KIF6: variants seen among roughly 807,000 people sequenced by gnomAD.
KIF6 encodes the protein kinesin-like protein KIF6.
KIF6 carries 106 observed loss-of-function variants against 112.7 expected under a neutral mutation model. The observed-to-expected ratio is 0.94, with a 90% CI of 0.80 to 1.11. The LOEUF (loss-of-function observed/expected upper bound fraction) is 1.11, where lower values mean the gene tolerates loss of function less well. KIF6 is among the 50% of genes least tolerant of loss of function. The pLI, the probability that KIF6 is intolerant of heterozygous loss-of-function variation, is 0.00. For synonymous variants in KIF6, 339 were observed against 339.9 expected (o/e 1.00, Z 0.03); for missense variants, 929 against 964.0 (o/e 0.96, Z 0.48).
intron 3 of KIF6, among the ~76,000 whole-genome samples, chr6:39,666,449 G>A (rs1038179476): frequency 6.6e-6 from 1 of 152,132 alleles, no homozygotes; most frequent in Non-Finnish European, 1.5e-5. Flanking sequence ...AAAAAATAGT[G>A]GGGACAGCTT....
chr6:39,403,185 T>A (rs1768831691), intron 15 of KIF6, among the ~76,000 whole-genome samples: 1 of 152,178 alleles, frequency 6.6e-6, no homozygotes, highest in Non-Finnish European at 1.5e-5. Context: ...ATTTTTTATT[T>A]ATTATTAAAT....
intron 21 of KIF6, among the ~76,000 whole-genome samples, chr6:39,344,656 C>A (rs933332375): frequency 6.6e-6 from 1 of 152,140 alleles, no homozygotes; most frequent in Non-Finnish European, 1.5e-5. Context: ...CTTGTCCTCC[C>A]ATCCCTGATT....
At position 39,342,629 on chromosome 6, in the gene KIF6, TTA is replaced by T. The variant is rs1386953393; in HGVS notation, c.2428+1078_2428+1079del. On this transcript the variant is annotated intron_variant, in intron 22 of 22. Transcript: ENST00000287152. The surrounding 1 kb of genome is among the most constrained non-coding windows in gnomAD (Gnocchi z 4.7). ...TTTTTTTATTTTTTTTTATTTTTTT[TTA>T]TTTTTAGACAAGGAAACTGAGAATG... is the stretch of plus-strand genomic sequence containing the variant. Among the ~76,000 whole-genome samples the T allele has an allele frequency of 0.042, 4,702 of 112,590 alleles. 453 individuals carry two copies. The highest frequency in any genetic ancestry group is 0.056 in the Middle Eastern group (12 of 216). 73.9% of individuals were successfully genotyped at this position (112,590 alleles called of 152,430 possible). A position where few individuals can be genotyped will look rare whatever the true frequency, so the allele number is the denominator to read the frequency against.
At chr6:39,460,369 T>TG (rs1378155090) in intron 13 of KIF6, among the ~76,000 whole-genome samples, 1 of 76,688 alleles carries the variant, frequency 1.3e-5, no homozygotes, top group African/African-American at 6.1e-5. Flanking sequence ...CTCCGGGGAC[T>TG]GTGGTGGGGT....
intron 3 of KIF6, among the ~76,000 whole-genome samples, chr6:39,711,781 TA>T (rs1442652439): frequency 1.3e-5 from 2 of 152,050 alleles, no homozygotes; most frequent in Non-Finnish European, 2.9e-5. Context: ...TAAACGTTAA[TA>T]AAAATTAATA....
chr6:39,474,490 T>C (rs190343424), intron 13 of KIF6, among the ~76,000 whole-genome samples: 5 of 152,374 alleles, frequency 3.3e-5, no homozygotes, highest in Admixed American at 2.0e-4. Flanking sequence ...ATAGTAAGTG[T>C]TCAATAAATC....
intron 13 of KIF6, among the ~76,000 whole-genome samples, chr6:39,527,729 C>T (rs1163096849): frequency 5.3e-5 from 8 of 152,324 alleles, no homozygotes; most frequent in South Asian, 4.2e-4. Context: ...TTCCTGCACA[C>T]CTCCAAAGCT....
rs11751980 is a variant in KIF6, at chr6:39,545,705, T to C, written c.1182-17A>G. 43,863 of 1,507,664 alleles carry C rather than the reference T, an allele frequency of 0.029. 746 individuals carry two copies. Among genetic ancestry groups the C allele is most frequent in the Non-Finnish European group, 0.034 (36,531 of 1,084,308 alleles). The allele number at this position is 1,507,664 out of a possible 1,614,324, so 93.4% of individuals were successfully genotyped here. A position where few individuals can be genotyped will look rare whatever the true frequency, so the allele number is the denominator to read the frequency against. Reference sequence around the variant, plus strand: ...TTTTCCAGCCTAAAAATACATAATGTATGAGAAGCAACTGTGAGCTAGAAG... The same window carrying C: ...TTTTCCAGCCTAAAAATACATAATGCATGAGAAGCAACTGTGAGCTAGAAG... On this transcript the variant is annotated splice_polypyrimidine_tract_variant and intron_variant, in intron 10 of 22. Coordinates refer to ENST00000287152, the MANE Select transcript of KIF6 (RefSeq NM_145027.6).
At chr6:39,720,477 G>C (rs1247396571) in intron 2 of KIF6, among the ~76,000 whole-genome samples, 1 of 152,000 alleles carries the variant, frequency 6.6e-6, no homozygotes, top group Non-Finnish European at 1.5e-5. Flanking sequence ...GTAAAGAAAG[G>C]CTGGAATCTT....
chr6:39,632,166 A>T (rs1355736231), intron 5 of KIF6, among the ~76,000 whole-genome samples: 1 of 136,392 alleles, frequency 7.3e-6, no homozygotes, highest in Admixed American at 7.4e-5. Flanking sequence ...CAAGTGGTAC[A>T]TCTTATAATG....
chr6:39,467,069 T>C (rs1237387089), intron 13 of KIF6, among the ~76,000 whole-genome samples: 1 of 152,212 alleles, frequency 6.6e-6, no homozygotes, highest in Non-Finnish European at 1.5e-5. Context: ...CAGAGAGCTT[T>C]ATAGCTTTCC....
intron 15 of KIF6, among the ~76,000 whole-genome samples, chr6:39,414,185 T>G (rs1340667698): frequency 6.6e-6 from 1 of 152,216 alleles, no homozygotes; most frequent in Non-Finnish European, 1.5e-5. Flanking sequence ...CCCCGATGAC[T>G]CCTCTGCCTG....
intron 15 of KIF6, among the ~76,000 whole-genome samples, chr6:39,390,080 C>T (rs926051930): frequency 3.4e-5 from 5 of 146,668 alleles, no homozygotes; most frequent in African/African-American, 7.7e-5. Flanking sequence ...TGGAGGTAGA[C>T]GAAGTTGAGT....
chr6:39,586,020 G>A (rs151286253), intron 8 of KIF6, among the ~76,000 whole-genome samples: 1 of 152,294 alleles, frequency 6.6e-6, no homozygotes, highest in African/African-American at 2.4e-5. Context: ...CTGTGTATGA[G>A]GCTTCTTCAA....
chr6:39,498,549 G>T (rs1775921569), intron 13 of KIF6, among the ~76,000 whole-genome samples: 2 of 152,032 alleles, frequency 1.3e-5, no homozygotes. Context: ...TCCTTTGTGG[G>T]CCATATGGTC....
At position 39,725,330 on chromosome 6, in the gene KIF6, T is replaced by C. The variant is rs1364804277; in HGVS notation, c.-20A>G. ...CACCATCTCCTCCCTGGCTCTGCAATGACCCTTGACCTCTCTCAGGCCCGG... is the reference window on the plus strand; with the variant it reads ...CACCATCTCCTCCCTGGCTCTGCAACGACCCTTGACCTCTCTCAGGCCCGG... On this transcript the variant is annotated 5_prime_UTR_variant, in exon 1 of 23. Transcript: ENST00000287152. 1.3e-6 allele frequency: 2 copies of C among 1,598,006 alleles called. No homozygotes were observed. Among genetic ancestry groups the C allele is most frequent in the Non-Finnish European group, 1.7e-6 (2 of 1,171,896 alleles).
At chr6:39,454,892 G>T (rs1404029210) in intron 13 of KIF6, among the ~76,000 whole-genome samples, 1 of 152,174 alleles carries the variant, frequency 6.6e-6, no homozygotes, top group African/African-American at 2.4e-5. Context: ...CTCGCTGATT[G>T]CTAGCACAGC....
At chr6:39,562,668 G>A (rs1780073629) in intron 10 of KIF6, among the ~76,000 whole-genome samples, 1 of 152,176 alleles carries the variant, frequency 6.6e-6, no homozygotes, top group Non-Finnish European at 1.5e-5. Flanking sequence ...TTAGCTGAAT[G>A]TTATTTGCCT....
Position 39,626,230 on chromosome 6 carries a change from T to G in KIF6, c.509+8619A>C, listed in dbSNP as rs1186256192. Reference sequence around the variant, plus strand: ...AAATGATCAGTTTATGAGTCTGTTCTATTAGAACCACAGCCCTTTGAGGCC... The same window carrying G: ...AAATGATCAGTTTATGAGTCTGTTCGATTAGAACCACAGCCCTTTGAGGCC... On this transcript the variant is annotated intron_variant, in intron 5 of 22. Coordinates refer to ENST00000287152, the MANE Select transcript of KIF6 (RefSeq NM_145027.6). Among the ~76,000 whole-genome samples the G allele has an allele frequency of 2.6e-5, 4 of 152,318 alleles. No individual in the cohort carries two copies. The East Asian group carries it at 7.7e-4, about 29-fold the overall frequency.
Sources: allele counts gnomAD v4.1 joint callset (sites outside exome capture counted in the v4.1 genomes callset), GRCh38; gene constraint gnomAD v4.1.1; non-coding constraint Gnocchi (gnomAD v3.1); transcripts MANE v1.5; gene names NCBI Gene and HGNC (gene_info 2026-07-23, HGNC 2026-07-21).